DYNC1I1: variants seen among roughly 807,000 people sequenced by gnomAD.
DYNC1I1 encodes the protein cytoplasmic dynein 1 intermediate chain 1.
A neutral mutation model predicts 86.6 loss-of-function variants in DYNC1I1; 43 were observed. The observed-to-expected ratio is 0.50, with a 90% confidence interval of 0.39 to 0.64. The LOEUF (loss-of-function observed/expected upper bound fraction) is 0.64, where lower values mean the gene tolerates loss of function less well. Among genes scored for constraint, DYNC1I1 ranks in the 30% least tolerant of loss-of-function variants. The probability of loss-of-function intolerance (pLI) is 0.00; values close to 1 mark genes in which losing one functional copy is unlikely to be tolerated. For missense variants in DYNC1I1, 604 were observed against 788.8 expected (o/e 0.77, Z 2.81); for synonymous variants, 262 against 283.7 (o/e 0.92, Z 0.77).
At chr7:96,066,461 T>C (rs1175293347) in intron 14 of DYNC1I1, among the ~76,000 whole-genome samples, 3 of 152,254 alleles carry the variant, frequency 2.0e-5, no homozygotes, top group Non-Finnish European at 4.4e-5. Flanking sequence ...GCCAGTCTGT[T>C]TTCCAGTGAT....
At chr7:95,897,331 T>TTA (rs139725570) in intron 6 of DYNC1I1, among the ~76,000 whole-genome samples, 22,287 of 152,088 alleles carry the variant, frequency 0.15, 1,797 homozygotes, top group Middle Eastern at 0.24. Flanking sequence ...TGACTCTGAG[T>TTA]TAAAACTCTT....
intron 1 of DYNC1I1, among the ~76,000 whole-genome samples, chr7:95,785,187 A>T (rs545906218): frequency 1.3e-5 from 2 of 152,128 alleles, no homozygotes; most frequent in Non-Finnish European, 2.9e-5. Context: ...TGAGGCAGGT[A>T]GATTGCTTGA....
intron 4 of DYNC1I1, among the ~76,000 whole-genome samples, chr7:95,816,609 GA>G (rs1223962625): frequency 1.3e-5 from 2 of 151,606 alleles, no homozygotes; most frequent in East Asian, 3.9e-4. Flanking sequence ...AGAGCTTGTT[GA>G]AAAGGTTAGT....
intron 6 of DYNC1I1, among the ~76,000 whole-genome samples, chr7:95,879,369 C>T (rs957003885): frequency 2.7e-5 from 4 of 147,428 alleles, no homozygotes; most frequent in African/African-American, 4.9e-5. Flanking sequence ...TACAGAAATT[C>T]TCCATTGTTC....
intron 6 of DYNC1I1, among the ~76,000 whole-genome samples, chr7:95,970,860 A>T (rs1191179649): frequency 6.6e-6 from 1 of 152,182 alleles, no homozygotes; most frequent in African/African-American, 2.4e-5. Context: ...GTGGCAGAAT[A>T]ATGGAGGGGA....
At chr7:95,888,782 C>A (rs114764795) in intron 6 of DYNC1I1, among the ~76,000 whole-genome samples, 3,780 of 152,188 alleles carry the variant, frequency 0.025, 132 homozygotes, top group African/African-American at 0.078. Flanking sequence ...AGTAGCTGTT[C>A]GAAGTAATTT....
At chr7:96,008,517 G>A (rs145967806) in intron 10 of DYNC1I1, among the ~76,000 whole-genome samples, 10 of 152,190 alleles carry the variant, frequency 6.6e-5, no homozygotes, top group African/African-American at 1.2e-4. Flanking sequence ...TTTCTCTGTC[G>A]TACTTCATCT....
Position 95,813,275 on chromosome 7 carries a change from A to C in DYNC1I1, c.252A>C (p.Lys84Asn), listed in dbSNP as rs1794871642. The C allele has an allele frequency of 1.9e-6, 3 of 1,612,736 alleles. No individual in the cohort carries two copies. The highest frequency in any genetic ancestry group is 1.7e-5 in the Admixed American group (1 of 59,782). Residue 84 changes from lysine to asparagine, a missense_variant, in exon 4 of 17, where the codon AAA becomes AAC. By Grantham distance (94) the Lys-to-Asn change is moderately conservative. Transcript: ENST00000447467. ...LVPTPMSPSSKSVSTPSEAGS... is the reference protein window; with the variant it reads ...LVPTPMSPSSNSVSTPSEAGS... ...CAACCCCTATGTCTCCCTCCTCGAA[A>C]TCAGTGAGCACTCCCAGTGAAGCTG...
At chr7:95,830,250 A>G (rs1261734408) in intron 5 of DYNC1I1, among the ~76,000 whole-genome samples, 2 of 152,136 alleles carry the variant, frequency 1.3e-5, no homozygotes, top group East Asian at 3.8e-4. Flanking sequence ...AAAACTATTC[A>G]AATTGATGAT....
intron 5 of DYNC1I1, among the ~76,000 whole-genome samples, chr7:95,835,635 T>C (rs1052836633): frequency 6.6e-6 from 1 of 151,634 alleles, no homozygotes; most frequent in African/African-American, 2.4e-5. Context: ...CTCAGGACTT[T>C]CTTTATGAAT....
chr7:95,818,995 C>T (rs1795014015), intron 4 of DYNC1I1: 1 of 152,586 alleles, frequency 6.6e-6, no homozygotes, highest in African/African-American at 2.4e-5. Context: ...AGCAGCATTT[C>T]TTAACCCAAA....
At chr7:96,007,676 G>A (rs944558083) in intron 10 of DYNC1I1, among the ~76,000 whole-genome samples, 1 of 152,048 alleles carries the variant, frequency 6.6e-6, no homozygotes, top group Admixed American at 6.6e-5. Flanking sequence ...TAGGTTGATG[G>A]CAGATCAACC....
At chr7:95,874,334 A>G (rs1790247903) in intron 6 of DYNC1I1, among the ~76,000 whole-genome samples, 1 of 152,222 alleles carries the variant, frequency 6.6e-6, no homozygotes, top group Admixed American at 6.5e-5. Context: ...TAGTTTCTGT[A>G]CCAGACTGAG....
At chr7:95,883,996 A>G (rs985166351) in intron 6 of DYNC1I1, among the ~76,000 whole-genome samples, 1 of 152,202 alleles carries the variant, frequency 6.6e-6, no homozygotes. Flanking sequence ...ATAAAACTTT[A>G]TAGAGGGAGT....
intron 10 of DYNC1I1, among the ~76,000 whole-genome samples, chr7:96,006,733 C>T (rs879658509): frequency 1.3e-5 from 2 of 152,148 alleles, no homozygotes; most frequent in Admixed American, 1.3e-4. Context: ...TCCAAACTAT[C>T]CTTTGTGCAA....
intron 6 of DYNC1I1, among the ~76,000 whole-genome samples, chr7:95,964,245 T>G (rs1227812495): frequency 6.6e-6 from 1 of 152,114 alleles, no homozygotes; most frequent in African/African-American, 2.4e-5. Flanking sequence ...CAAAAAGCAC[T>G]CCGAAGATCT....
At chr7:95,836,318 G>A (rs1270476574) in intron 5 of DYNC1I1, among the ~76,000 whole-genome samples, 5 of 152,064 alleles carry the variant, frequency 3.3e-5, no homozygotes, top group African/African-American at 4.8e-5. Context: ...TGTCTTGTAG[G>A]GTTTCTGCCG....
chr7:96,061,712 TCACACA>T (rs147547424), intron 14 of DYNC1I1, among the ~76,000 whole-genome samples: 3 of 136,812 alleles, frequency 2.2e-5, no homozygotes, highest in Non-Finnish European at 4.7e-5. Flanking sequence ...TCTCTCTCTC[TCACACA>T]CACACACACA....
At chr7:95,823,609 C>G (rs1458516322) in intron 4 of DYNC1I1, among the ~76,000 whole-genome samples, 1 of 151,986 alleles carries the variant, frequency 6.6e-6, no homozygotes, top group East Asian at 1.9e-4. Flanking sequence ...ACATGTGGTA[C>G]TGCCGGGTAG....
Sources: allele counts gnomAD v4.1 joint callset (sites outside exome capture counted in the v4.1 genomes callset), GRCh38; gene constraint gnomAD v4.1.1; transcripts MANE v1.5; gene names NCBI Gene and HGNC (gene_info 2026-07-23, HGNC 2026-07-21).